The following RYR2 variants were observed in gnomAD, a reference collection of about 807,000 sequenced individuals.
RYR2 encodes the protein ryanodine receptor 2.
RYR2 carries 227 observed loss-of-function variants against 601.1 expected under a neutral mutation model. That is an observed-to-expected ratio of 0.38 (90% confidence interval 0.34 to 0.42). The LOEUF is 0.42. Ranked by LOEUF, RYR2 falls within the 10% of genes least tolerant of loss-of-function variation. The pLI, the probability that RYR2 is intolerant of heterozygous loss-of-function variation, is 1.00. For missense variants in RYR2, 4,646 were observed against 6,156.5 expected, an observed-to-expected ratio of 0.75 and a Z score of 8.21; for synonymous variants, 2,223 against 2,175.1, an observed-to-expected ratio of 1.02 and a Z score of -0.61.
At chr1:237,141,937 T>C (rs1673435548) in intron 1 of RYR2, among the ~76,000 whole-genome samples, 1 of 152,206 alleles carries the variant, frequency 6.6e-6, no homozygotes, top group Non-Finnish European at 1.5e-5. Flanking sequence ...ACAGAAGTCA[T>C]GTAACTTTCA....
rs896164513 is a variant in RYR2 at position 237,648,707 on chromosome 1, C to T, written c.7512+94C>T. 3.7e-6 allele frequency: 5 copies of T among 1,337,900 alleles called. No homozygotes were observed. The African/African-American group carries it at 5.9e-5, about 16-fold the overall frequency. The allele number at this position is 1,337,900 out of a possible 1,614,324, so 82.9% of individuals were successfully genotyped here. A position where few individuals can be genotyped will look rare whatever the true frequency, so the allele number is the denominator to read the frequency against. Reference sequence around the variant, plus strand: ...ATATATCCATTCATTAATTTATTGACAATGAATGTTTATTGAGTACCTGTT... The same window carrying T: ...ATATATCCATTCATTAATTTATTGATAATGAATGTTTATTGAGTACCTGTT... On this transcript the variant is annotated intron_variant, in intron 49 of 104. Transcript: ENST00000366574.
At chr1:237,737,184 C>A (rs2149190785) in intron 79 of RYR2, among the ~76,000 whole-genome samples, 1 of 152,234 alleles carries the variant, frequency 6.6e-6, no homozygotes, top group South Asian at 2.1e-4. Context: ...TTTGTTGGAT[C>A]CTAAAGCTAA....
chr1:237,446,649 G>A (rs947255774), intron 14 of RYR2, among the ~76,000 whole-genome samples: 10 of 151,920 alleles, frequency 6.6e-5, no homozygotes, highest in African/African-American at 1.9e-4. Context: ...CATACACACT[G>A]TGTGTATATG....
At position 237,248,215 on chromosome 1, in the gene RYR2, T is replaced by C. The variant is rs531790188; in HGVS notation, c.49-22282T>C. 2.1e-3 allele frequency among the ~76,000 whole-genome samples: 281 copies of C among 134,930 alleles called. 1 individual carries two copies. The highest frequency in any genetic ancestry group is 7.6e-3 in the African/African-American group (273 of 35,870). 88.5% of individuals were successfully genotyped at this position (134,930 alleles called of 152,430 possible). A position where few individuals can be genotyped will look rare whatever the true frequency, so the allele number is the denominator to read the frequency against. ...TAAACCACGGAGGCAGAGGTTGCAG[T>C]GAGCCGAGATCACACCACTGCACTC... On this transcript the variant is annotated intron_variant, in intron 1 of 104. Transcript: ENST00000366574.
chr1:237,143,966 T>C (rs1367837172), intron 1 of RYR2, among the ~76,000 whole-genome samples: 1 of 151,980 alleles, frequency 6.6e-6, no homozygotes, highest in Admixed American at 6.6e-5. Context: ...CCATTTCTAC[T>C]AAAAATACAA....
chr1:237,387,980 T>C, intron 9 of RYR2, 107 bp from the exon 10 acceptor site: 1 of 1,040,446 alleles, frequency 9.6e-7, no homozygotes, highest in Non-Finnish European at 1.4e-6. Context: ...TAAGACTCAC[T>C]AGACTTCAGT....
In RYR2 at chr1:237,614,104, G is replaced by C. The variant is rs1281673231; in HGVS notation, c.4976G>C (p.Arg1659Pro). ...CTGAAATTTCACTATCACACTCTCC[G>C]GCTCTACTCAGCCGTCTGTGCTCTT... is the stretch of plus-strand genomic sequence containing the variant. Reference protein sequence around the residue: ...ELLKFHYHTLRLYSAVCALGN... With the variant: ...ELLKFHYHTLPLYSAVCALGN... Residue 1659 changes from arginine (R) to proline (P), a missense_variant, in exon 37 of 105, where the codon CGG becomes CCG. Around this residue, in one of 17 missense-constraint regions of RYR2, gnomAD observed 1,807 missense variants for 2,088.1 expected, o/e 0.87. Transcript: ENST00000366574. The surrounding 1 kb of genome is among the most constrained non-coding windows in gnomAD (Gnocchi z 4.3). 3 of 1,613,974 alleles carry C rather than the reference G, an allele frequency of 1.9e-6. No homozygotes were observed. The highest frequency in any genetic ancestry group is 2.5e-6 in the Non-Finnish European group (3 of 1,179,884).
In RYR2 at chr1:237,388,690, G is replaced by A. The variant is rs181280229; in HGVS notation, c.773+507G>A. Among the ~76,000 whole-genome samples, 3 of 151,840 alleles carry A rather than the reference G, an allele frequency of 2.0e-5. No homozygotes were observed. The East Asian group carries it at 5.8e-4, about 29-fold the overall frequency. On this transcript the variant is annotated intron_variant, in intron 10 of 104. Transcript: ENST00000366574. ...TCTCATGTTAATTTATTTGGCACTGGGACAAGATTACAATAGTATGAATCT... is the reference window on the plus strand; with the variant it reads ...TCTCATGTTAATTTATTTGGCACTGAGACAAGATTACAATAGTATGAATCT...
intron 96 of RYR2, among the ~76,000 whole-genome samples, chr1:237,797,072 C>G (rs1659342043): frequency 6.6e-6 from 1 of 151,930 alleles, no homozygotes; most frequent in Non-Finnish European, 1.5e-5. Context: ...GAGTGAGCCA[C>G]CACTCCTGGC....
At chr1:237,373,033 T>G (rs1700760793) in intron 6 of RYR2, among the ~76,000 whole-genome samples, 1 of 152,316 alleles carries the variant, frequency 6.6e-6, no homozygotes, top group African/African-American at 2.4e-5. Flanking sequence ...AATACTGTAC[T>G]TGTTATTGAA....
chr1:237,496,750 C>A lies in RYR2; in HGVS notation c.2201C>A (p.Ser734Ter), dbSNP rs2150449415. The change falls in exon 20 of 105, where the codon TCA (serine) becomes TAA (stop). Residue 734 changes from serine to a stop codon, truncating the protein, a stop_gained and splice_region_variant. Transcript: ENST00000366574. LOFTEE classifies it high-confidence loss of function. The stretch of plus-strand genomic sequence containing the variant: ...GGATTTGATGGCCTTCATCTCTGGT[C>A]AGGTACGTACTATCCATTTTCTTTC... ...SYGFDGLHLW[S>*]GCIARTVSSP... 2 of 1,607,896 alleles carry A rather than the reference C, an allele frequency of 1.2e-6. No individual in the cohort carries two copies. The highest frequency in any genetic ancestry group is 2.2e-5 in the South Asian group (2 of 90,776).
At chr1:237,459,933 C>T (rs1659281849) in intron 16 of RYR2, among the ~76,000 whole-genome samples, 1 of 152,128 alleles carries the variant, frequency 6.6e-6, no homozygotes, top group Non-Finnish European at 1.5e-5. Context: ...AGCAATGTTT[C>T]TATTGGGATG....
chr1:237,585,755 A>C (rs1364217112), intron 29 of RYR2, among the ~76,000 whole-genome samples: 2 of 152,224 alleles, frequency 1.3e-5, no homozygotes, highest in Admixed American at 6.5e-5. Flanking sequence ...CTACCTGTGG[A>C]GGTACTTGCA....
Position 237,438,782 on chromosome 1 carries a change from G to GCCA in RYR2, c.1006-2534_1006-2532dup, listed in dbSNP as rs1471328786. On this transcript the variant is annotated intron_variant, in intron 12 of 104. Transcript: ENST00000366574. ...ACTGCATGCCCCAAGGCAAAAGGCA[G>GCCA]CCACCTACCAATCACGCAAGGTGCT... Among the ~76,000 whole-genome samples, 4 of 152,348 alleles carry GCCA rather than the reference G, an allele frequency of 2.6e-5. No individual in the cohort carries two copies. The East Asian group carries it at 7.7e-4, about 29-fold the overall frequency.
intron 6 of RYR2, among the ~76,000 whole-genome samples, chr1:237,372,534 A>T (rs1236876574): frequency 4.6e-5 from 7 of 152,262 alleles, no homozygotes; most frequent in African/African-American, 1.7e-4. Context: ...AACAACATAA[A>T]ACAGTTTCAT....
At position 237,356,430 on chromosome 1, in the gene RYR2, CTTTTTTTTTTTTTGGT is replaced by C. The variant is rs570304806; in HGVS notation, c.294+446_294+461del. 9.1e-4 allele frequency among the ~76,000 whole-genome samples: 132 copies of C among 145,066 alleles called. 1 individual carries two copies. Among genetic ancestry groups the C allele is most frequent in the African/African-American group, 2.5e-3 (99 of 39,844 alleles). ...ATATAGTCATAGAAAGTCATAGAACCTTTTTTTTTTTTTGGTATAGATGGAGTCTCACTATGTTGCC... is the reference window on the plus strand; with the variant it reads ...ATATAGTCATAGAAAGTCATAGAACCATAGATGGAGTCTCACTATGTTGCC... On this transcript the variant is annotated intron_variant, in intron 4 of 104. Transcript: ENST00000366574.
chr1:237,518,249 A>T (rs1666751534), intron 24 of RYR2, among the ~76,000 whole-genome samples: 1 of 141,892 alleles, frequency 7.0e-6, no homozygotes, highest in Non-Finnish European at 1.6e-5. Flanking sequence ...TCTCTTTTCT[A>T]TTGTTTTTTT....
rs543113081 is a variant in RYR2 at position 237,609,946 on chromosome 1, C to G, written c.4684-816C>G. Among the ~76,000 whole-genome samples the G allele has an allele frequency of 5.5e-4, 83 of 151,552 alleles. 1 individual carries two copies. The highest frequency in any genetic ancestry group is 2.0e-3 in the Admixed American group (31 of 15,240). On this transcript the variant is annotated intron_variant, in intron 35 of 104. Transcript: ENST00000366574. The stretch of plus-strand genomic sequence containing the variant: ...TAAACCAGTACTTGGTTTTTCCCCG[C>G]CTATTGTTAGAGGGCAATAGGAAAG...
intron 92 of RYR2, among the ~76,000 whole-genome samples, chr1:237,789,935 T>C (rs2149374472): frequency 6.6e-6 from 1 of 152,278 alleles, no homozygotes; most frequent in African/African-American, 2.4e-5. Context: ...CTGGGTGTGG[T>C]GGACAGCCTT....
Sources: gnomAD v4.1 joint callset for allele counts (sites outside exome capture counted in the v4.1 genomes callset) on GRCh38, gnomAD v4.1.1 for gene constraint, gnomAD v4.1.1 regional missense constraint, Gnocchi (gnomAD v3.1) non-coding constraint, MANE v1.5 for transcripts, NCBI Gene and HGNC (gene_info 2026-07-23, HGNC 2026-07-21) for gene names.